Variants in TMEM204 observed in about 807,000 individuals in gnomAD.
TMEM204 encodes claudin-like protein 24.
TMEM204 carries 15 observed loss-of-function variants against 19.4 expected under a neutral mutation model. That is an observed-to-expected ratio of 0.77 (90% CI 0.52 to 1.19). The LOEUF is 1.19. Ranked by LOEUF, TMEM204 falls within the 50% of genes most tolerant of loss-of-function variation. TMEM204 has a pLI of 0.00. For synonymous variants in TMEM204, 161 were observed against 146.0 expected, an observed-to-expected ratio of 1.10 and a Z score of -0.74; for missense variants, 287 against 321.2, an observed-to-expected ratio of 0.89 and a Z score of 0.81.
chr16:1,555,281 A>G lies in TMEM204; in HGVS notation c.*255A>G, dbSNP rs983354108. The G allele has an allele frequency of 2.5e-5, 12 of 482,968 alleles. 1 individual carries two copies. The South Asian group carries it at 3.2e-4, about 13-fold the overall frequency. The allele number at this position is 482,968 out of a possible 1,614,324, so 29.9% of individuals were successfully genotyped here. A position where few individuals can be genotyped will look rare whatever the true frequency, so the allele number is the denominator to read the frequency against. On this transcript the variant is annotated 3_prime_UTR_variant, in exon 3 of 3. Transcript: ENST00000566264. The stretch of plus-strand genomic sequence containing the variant: ...GCAACGCGGCTCCACGACCACACGC[A>G]CTTCAGGGTGGAAGCTGGAAGCTGA...
intron 2 of TMEM204, among the ~76,000 whole-genome samples, chr16:1,544,732 T>G (rs1419953538): frequency 6.6e-6 from 1 of 151,824 alleles, no homozygotes; most frequent in Non-Finnish European, 1.5e-5. Context: ...CACTGCAAGC[T>G]CCGCCTCCCG....
chr16:1,551,218 G>A lies in TMEM204; in HGVS notation c.437-3564G>A, dbSNP rs2032606515. On this transcript the variant is annotated intron_variant, in intron 2 of 2. Coordinates refer to ENST00000566264, the MANE Select transcript of TMEM204 (RefSeq NM_024600.6). The surrounding 1 kb of genome is among the most constrained non-coding windows in gnomAD (Gnocchi z 4.0). ...GTGGGGCAAGTTCTGGCCCCGGGGA[G>A]CCTGCCCTGTGGCGGGGGAGAGCGG... is the stretch of plus-strand genomic sequence containing the variant. Among the ~76,000 whole-genome samples the A allele has an allele frequency of 6.6e-6, 1 of 152,254 alleles. No individual in the cohort carries two copies. Among genetic ancestry groups the A allele is most frequent in the Non-Finnish European group, 1.5e-5 (1 of 68,048 alleles).
intron 1 of TMEM204, chr16:1,541,475 C>A: frequency 2.0e-6 from 2 of 985,348 alleles, no homozygotes; most frequent in Non-Finnish European, 2.4e-6. Context: ...GAGGAGCTGG[C>A]CCCCCGCGGA....
rs1267015344 is a variant in TMEM204, at chr16:1,555,205, C to T, written c.*179C>T. The T allele has an allele frequency of 1.3e-6, 1 of 798,690 alleles. No homozygotes were observed. The highest frequency in any genetic ancestry group is 1.9e-6 in the Non-Finnish European group (1 of 523,246). The allele number at this position is 798,690 out of a possible 1,614,324, so 49.5% of individuals were successfully genotyped here. ...GTTTACTGTTATGTCGGTCATATGT[C>T]TGTACGTGTCGTGGGCCAACCTCGT... On this transcript the variant is annotated 3_prime_UTR_variant, in exon 3 of 3. Transcript: ENST00000566264.
At chr16:1,539,938 G>T (rs2031469074) in intron 1 of TMEM204, among the ~76,000 whole-genome samples, 2 of 152,198 alleles carry the variant, frequency 1.3e-5, no homozygotes. Context: ...CAGGGCTGGG[G>T]GCGCCACCCA....
chr16:1,552,425 G>A (rs185568340), intron 2 of TMEM204, among the ~76,000 whole-genome samples: 174 of 152,054 alleles, frequency 1.1e-3, no homozygotes, highest in Middle Eastern at 0.01. Flanking sequence ...TCTGAGCCCT[G>A]ACACCAGCAC....
intron 2 of TMEM204, among the ~76,000 whole-genome samples, chr16:1,545,451 GACAA>G (rs2141330860): frequency 6.6e-6 from 1 of 152,324 alleles, no homozygotes; most frequent in Non-Finnish European, 1.5e-5. Context: ...TTGTTTCATT[GACAA>G]ACAGGACAGA....
chr16:1,552,998 T>C (rs1002854744), intron 2 of TMEM204: 4 of 985,218 alleles, frequency 4.1e-6, no homozygotes, highest in African/African-American at 3.5e-5. Flanking sequence ...GAGCTACCCA[T>C]GTATAAGAAG....
At chr16:1,543,232 T>A (rs1037061593) in intron 2 of TMEM204, among the ~76,000 whole-genome samples, 45 of 152,322 alleles carry the variant, frequency 3.0e-4, no homozygotes, top group African/African-American at 1.0e-3. Context: ...GTTCTGCAGG[T>A]TGCCCTGCAG....
upstream of TMEM204, chr16:1,532,143 C>T (rs1384049938): frequency 6.6e-6 from 1 of 152,276 alleles, no homozygotes; most frequent in Non-Finnish European, 1.5e-5. Flanking sequence ...GGGGACATCC[C>T]CCCAGGGCCT....
chr16:1,539,206 C>T (rs117107594), intron 1 of TMEM204, among the ~76,000 whole-genome samples: 9 of 151,640 alleles, frequency 5.9e-5, no homozygotes, highest in Middle Eastern at 6.8e-3. Context: ...CCAAGCCACA[C>T]GGTGCCAACG....
upstream of TMEM204, chr16:1,533,408 A>T (rs1267417807): frequency 6.6e-6 from 1 of 152,346 alleles, no homozygotes; most frequent in Non-Finnish European, 1.5e-5. This position sits in a 1 kb window ranked among gnomAD's most constrained non-coding sequence, Gnocchi z 4.7. Flanking sequence ...ACCAGCCTCC[A>T]GGCCCCGGGG....
chr16:1,530,409 G>C (rs1423069115), upstream of TMEM204, among the ~76,000 whole-genome samples: 2 of 152,082 alleles, frequency 1.3e-5, no homozygotes, highest in Non-Finnish European at 2.9e-5. Context: ...TGGATTACAG[G>C]TGTGAGCCAC....
At chr16:1,530,133 C>CTTTTTTTTTTTTTTTTTTTTTTTTTTT (rs922819138), upstream of TMEM204, among the ~76,000 whole-genome samples, 12 of 88,586 alleles carry the variant, frequency 1.4e-4, 1 homozygote, top group African/African-American at 2.7e-4. Flanking sequence ...CGACGGGAAT[C>CTTTTTTTTTTTTTTTTTTTTTTTTTTT]TTTTTTTTTT....
At chr16:1,536,765 C>T (rs746921091) in intron 1 of TMEM204, among the ~76,000 whole-genome samples, 3 of 152,198 alleles carry the variant, frequency 2.0e-5, no homozygotes, top group East Asian at 1.9e-4. Flanking sequence ...TCTCCTTCAC[C>T]GACGTCCATC....
At chr16:1,537,222 G>A (rs556863866) in intron 1 of TMEM204, among the ~76,000 whole-genome samples, 2 of 151,602 alleles carry the variant, frequency 1.3e-5, no homozygotes, top group East Asian at 1.9e-4. Flanking sequence ...GCCTCCTCAC[G>A]CAGGCCAGGG....
intron 2 of TMEM204, among the ~76,000 whole-genome samples, chr16:1,552,393 C>T (rs1169689409): frequency 6.6e-6 from 1 of 152,124 alleles, no homozygotes; most frequent in Non-Finnish European, 1.5e-5. Context: ...GCTGTGCCTG[C>T]CCTGCCTCCA....
upstream of TMEM204, chr16:1,532,297 G>C (rs960155706): frequency 6.6e-6 from 1 of 152,314 alleles, no homozygotes; most frequent in Admixed American, 6.5e-5. Flanking sequence ...GAAACCTGAC[G>C]GACACGTCTG....
In TMEM204 at chr16:1,535,158, G is replaced by A. The variant is rs1158582448; in HGVS notation, c.280+603G>A. On this transcript the variant is annotated intron_variant, in intron 1 of 2. Coordinates refer to ENST00000566264, the MANE Select transcript of TMEM204 (RefSeq NM_024600.6). Reference sequence around the variant, plus strand: ...TCTCACGGTTGTTGGGGTCTTTGAGGCAGAGAGCAGCAGCAGGATCCCCAG... The same window carrying A: ...TCTCACGGTTGTTGGGGTCTTTGAGACAGAGAGCAGCAGCAGGATCCCCAG... Among the ~76,000 whole-genome samples, 5 of 152,252 alleles carry A rather than the reference G, an allele frequency of 3.3e-5. No homozygotes were observed. The East Asian group carries it at 9.7e-4, about 29-fold the overall frequency.
Sources: gnomAD v4.1 joint callset for allele counts (sites outside exome capture counted in the v4.1 genomes callset) on GRCh38, gnomAD v4.1.1 for gene constraint, Gnocchi (gnomAD v3.1) non-coding constraint, MANE v1.5 for transcripts, NCBI Gene and HGNC (gene_info 2026-07-23, HGNC 2026-07-21) for gene names.